The following LIPI variants were observed in gnomAD, a reference collection of about 807,000 sequenced individuals.
The protein encoded by LIPI is lipase I.
A neutral mutation model predicts 50.6 loss-of-function variants in LIPI; 59 were observed. That is an observed-to-expected ratio of 1.16 (90% confidence interval 0.94 to 1.45). LIPI has a LOEUF of 1.45. Among genes scored for constraint, LIPI ranks in the 40% most tolerant of loss-of-function variants. The probability of loss-of-function intolerance (pLI) is 0.00; values close to 1 mark genes in which losing one functional copy is unlikely to be tolerated. For missense variants in LIPI, 586 were observed against 536.3 expected, an observed-to-expected ratio of 1.09 and a Z score of -0.92; for synonymous variants, 203 against 178.2, an observed-to-expected ratio of 1.14 and a Z score of -1.11.
At chr21:14,158,636 T>G (rs4588272) in intron 7 of LIPI, among the ~76,000 whole-genome samples, 1 of 148,244 alleles carries the variant, frequency 6.7e-6, no homozygotes, top group Non-Finnish European at 1.5e-5. Context: ...GAAATATATA[T>G]ATAGAGAGAG....
chr21:14,125,865 T>G (rs2017044071), intron 9 of LIPI, among the ~76,000 whole-genome samples: 1 of 152,136 alleles, frequency 6.6e-6, no homozygotes, highest in South Asian at 2.1e-4. Flanking sequence ...AAGATGATAG[T>G]TTTAAACCCA....
intron 9 of LIPI, among the ~76,000 whole-genome samples, chr21:14,112,575 G>C (rs565473029): frequency 1.3e-5 from 2 of 151,226 alleles, no homozygotes; most frequent in African/African-American, 2.4e-5. Flanking sequence ...TTTATTCCTA[G>C]GTATTTTATC....
At chr21:14,122,329 T>A (rs557879214) in intron 9 of LIPI, among the ~76,000 whole-genome samples, 1 of 152,338 alleles carries the variant, frequency 6.6e-6, no homozygotes, top group Admixed American at 6.5e-5. Context: ...ACCTCAAGTA[T>A]GTTATGATCT....
At chr21:14,181,668 TG>T (rs2123242961) in intron 4 of LIPI, 89 bp downstream of exon 4, 3 of 719,972 alleles carry the variant, frequency 4.2e-6, no homozygotes, top group South Asian at 3.0e-5. Context: ...TTATCCATGA[TG>T]TTTTTTCTTC....
At chr21:14,182,883 G>A (rs1183312401) in intron 3 of LIPI, among the ~76,000 whole-genome samples, 3 of 152,090 alleles carry the variant, frequency 2.0e-5, no homozygotes, top group Non-Finnish European at 4.4e-5. Context: ...TGGGTAGGAA[G>A]AATCAATATA....
At chr21:14,109,652 A>G (rs1405077515) in intron 9 of LIPI, among the ~76,000 whole-genome samples, 1 of 152,072 alleles carries the variant, frequency 6.6e-6, no homozygotes, top group Non-Finnish European at 1.5e-5. Context: ...TTTTTCTGCA[A>G]TAGACTAAAA....
chr21:14,137,121 A>C (rs2017527524), intron 9 of LIPI, among the ~76,000 whole-genome samples: 1 of 152,184 alleles, frequency 6.6e-6, no homozygotes, highest in Non-Finnish European at 1.5e-5. Context: ...ATGACCAGAA[A>C]TAAGCCCAGA....
At chr21:14,183,744 A>T (rs1164643916) in intron 3 of LIPI, among the ~76,000 whole-genome samples, 2 of 152,236 alleles carry the variant, frequency 1.3e-5, no homozygotes, top group Non-Finnish European at 2.9e-5. Flanking sequence ...ATCACTGGCC[A>T]TCAGAGAAAT....
intron 4 of LIPI, among the ~76,000 whole-genome samples, chr21:14,177,391 CATA>C (rs878918889): frequency 2.0e-5 from 3 of 151,762 alleles, no homozygotes; most frequent in Admixed American, 2.0e-4. Context: ...GTTTGACAGC[CATA>C]ATATTTTAAT....
intron 9 of LIPI, chr21:14,144,415 TG>T (rs2017826179): frequency 9.9e-6 from 4 of 403,120 alleles, no homozygotes; most frequent in Non-Finnish European, 1.8e-5. Flanking sequence ...ATTTTTTCTT[TG>T]ATTAGACAAT....
chr21:14,171,414 C>A (rs1035776438), intron 4 of LIPI, among the ~76,000 whole-genome samples: 4 of 150,906 alleles, frequency 2.7e-5, no homozygotes, highest in African/African-American at 7.3e-5. Context: ...CCAAGTCAAT[C>A]CTAAGCCAAA....
rs760973776 is a variant in LIPI, at chr21:14,189,492, GAATT to G, written c.47-77_47-74del. ...ATTCCTGTTGCTATTGCAAAGAACA[GAATT>G]AAATGTGGAGGGTAGGGAGGATTTC... On this transcript the variant is annotated intron_variant, in intron 1 of 9. Transcript: ENST00000681601. 10 of 1,367,952 alleles carry G rather than the reference GAATT, an allele frequency of 7.3e-6. No homozygotes were observed. The East Asian group carries it at 9.1e-5, about 13-fold the overall frequency. The allele number at this position is 1,367,952 out of a possible 1,614,324, so 84.7% of individuals were successfully genotyped here. A position where few individuals can be genotyped will look rare whatever the true frequency, so the allele number is the denominator to read the frequency against.
chr21:14,205,013 T>C (rs1436981803), intron 1 of LIPI, among the ~76,000 whole-genome samples: 1 of 151,578 alleles, frequency 6.6e-6, no homozygotes, highest in East Asian at 1.9e-4. Flanking sequence ...GGAACTAATA[T>C]ATATATACAA....
intron 4 of LIPI, among the ~76,000 whole-genome samples, chr21:14,170,405 C>A (rs1352998981): frequency 6.6e-6 from 1 of 151,702 alleles, no homozygotes; most frequent in Admixed American, 6.6e-5. Context: ...GGCAGAGACA[C>A]AACAAAAAAA....
At position 14,111,420 on chromosome 21, in the gene LIPI, C is replaced by T. The variant is rs147179787; in HGVS notation, c.1296-2340G>A. Among the ~76,000 whole-genome samples, 536 of 152,076 alleles carry T rather than the reference C, an allele frequency of 3.5e-3. 2 individuals are homozygous for T. The highest frequency in any genetic ancestry group is 0.012 in the African/African-American group (508 of 41,508). On this transcript the variant is annotated intron_variant, in intron 9 of 9. Coordinates refer to ENST00000681601, the MANE Select transcript of LIPI (RefSeq NM_001302998.2). The stretch of plus-strand genomic sequence containing the variant: ...AAAATGTGTTTTCAGATCCTTTGCC[C>T]AATTTTTAATTAGGTTATTTGTTTT...
intron 4 of LIPI, among the ~76,000 whole-genome samples, chr21:14,171,755 T>C (rs973542128): frequency 6.6e-6 from 1 of 151,794 alleles, no homozygotes; most frequent in Non-Finnish European, 1.5e-5. Flanking sequence ...CCTAAAACCA[T>C]AAAAACCCTA....
chr21:14,196,527 T>C (rs1464215058), intron 1 of LIPI, among the ~76,000 whole-genome samples: 1 of 152,110 alleles, frequency 6.6e-6, no homozygotes, highest in African/African-American at 2.4e-5. Flanking sequence ...GGTGCACCTA[T>C]TTTTTCAAAA....
Position 14,205,901 on chromosome 21 carries a change from C to A in LIPI, c.46+4899G>T, listed in dbSNP as rs1161079113. Among the ~76,000 whole-genome samples, 4 of 151,932 alleles carry A rather than the reference C, an allele frequency of 2.6e-5. No individual in the cohort carries two copies. In the East Asian group the frequency reaches 5.8e-4, roughly 22 times the overall value. On this transcript the variant is annotated intron_variant, in intron 1 of 9. Transcript: ENST00000681601. The stretch of plus-strand genomic sequence containing the variant: ...TAGACTAAGTAACTCTATTGTGATT[C>A]AAAATTCACTAGCAGGTACATAATA...
intron 8 of LIPI, among the ~76,000 whole-genome samples, chr21:14,151,566 G>T (rs1173863328): frequency 6.6e-6 from 1 of 152,074 alleles, no homozygotes; most frequent in African/African-American, 2.4e-5. Flanking sequence ...ACTAGATATG[G>T]TGTCTGTGAG....
Sources: gnomAD v4.1 joint callset for allele counts (sites outside exome capture counted in the v4.1 genomes callset) on GRCh38, gnomAD v4.1.1 for gene constraint, MANE v1.5 for transcripts, NCBI Gene and HGNC (gene_info 2026-07-23, HGNC 2026-07-21) for gene names.